Variants in TTBK2 observed in about 807,000 individuals in gnomAD.
TTBK2 encodes the protein tau-tubulin kinase 2.
TTBK2 carries 28 observed loss-of-function variants against 110.8 expected under a neutral mutation model. That is an observed-to-expected ratio of 0.25 (90% CI 0.19 to 0.35). The LOEUF (loss-of-function observed/expected upper bound fraction) is 0.35, where lower values mean the gene tolerates loss of function less well. Among genes scored for constraint, TTBK2 ranks in the 10% least tolerant of loss-of-function variants. The probability of loss-of-function intolerance (pLI) is 1.00; values close to 1 mark genes in which losing one functional copy is unlikely to be tolerated. For synonymous variants in TTBK2, 532 were observed against 527.3 expected, an observed-to-expected ratio of 1.01 and a Z score of -0.12; for missense variants, 1,369 against 1,500.3, an observed-to-expected ratio of 0.91 and a Z score of 1.45.
At chr15:42,809,031 G>C (rs1162545162) in intron 9 of TTBK2, among the ~76,000 whole-genome samples, 1 of 152,226 alleles carries the variant, frequency 6.6e-6, no homozygotes, top group Non-Finnish European at 1.5e-5. Flanking sequence ...ACAAGAGGCA[G>C]AAGCTGCAAA....
At chr15:42,763,173 TATATATATA>T (rs1889149603) in intron 13 of TTBK2, among the ~76,000 whole-genome samples, 1 of 17,942 alleles carries the variant, frequency 5.6e-5, no homozygotes, top group Non-Finnish European at 1.1e-4. Flanking sequence ...TATATATATA[TATATATATA>T]TATATATATA....
rs2061741406 is a variant in TTBK2 at position 42,740,151 on chromosome 15, C to T, written c.*5644G>A. On this transcript the variant is annotated 3_prime_UTR_variant, in exon 15 of 15. Transcript: ENST00000267890. The stretch of plus-strand genomic sequence containing the variant: ...GTCAAGGAACCCAGAGCCAGGGTAC[C>T]TGGGAGGCATGGTCAGCATCGCCAG... 1 of 152,158 alleles carries T rather than the reference C, an allele frequency of 6.6e-6. No homozygotes were observed. Among genetic ancestry groups the T allele is most frequent in the Non-Finnish European group, 1.5e-5 (1 of 68,022 alleles). 9.4% of individuals were successfully genotyped at this position (152,158 alleles called of 1,614,324 possible).
intron 4 of TTBK2, among the ~76,000 whole-genome samples, chr15:42,839,754 G>T (rs941017279): frequency 3.9e-5 from 6 of 152,066 alleles, no homozygotes; most frequent in African/African-American, 1.4e-4. Flanking sequence ...CTTATTTTGA[G>T]ACATATTTTG....
At position 42,777,220 on chromosome 15, in the gene TTBK2, C is replaced by T. The variant is rs746387784; in HGVS notation, c.1220G>A (p.Ser407Asn). 6.2e-7 allele frequency: 1 copy of T among 1,614,178 alleles called. No homozygotes were observed. The highest frequency in any genetic ancestry group is 1.7e-5 in the Admixed American group (1 of 60,020). Residue 407 changes from serine (S) to asparagine (N), a missense_variant, in exon 12 of 15, where the codon AGC (serine) becomes AAC (asparagine). Around this residue, in one of 4 missense-constraint regions of TTBK2, gnomAD observed 1,097 missense variants for 1,114.7 expected, o/e 0.98. Transcript: ENST00000267890. ...GAGAAGACCATTTGCCTGGCCATGGCTGTTCTCCTCTTCAGTAGCAGCCTA... is the reference window on the plus strand; with the variant it reads ...GAGAAGACCATTTGCCTGGCCATGGTTGTTCTCCTCTTCAGTAGCAGCCTA... ...ICKAATEEEN[S>N]HGQANGLLNA...
intron 1 of TTBK2, among the ~76,000 whole-genome samples, chr15:42,915,902 A>T (rs1473379264): frequency 6.6e-6 from 1 of 152,054 alleles, no homozygotes; most frequent in Non-Finnish European, 1.5e-5. Context: ...AGCTACGATC[A>T]TGGCACTCCA....
chr15:42,792,889 T>C (rs534491412), intron 10 of TTBK2, among the ~76,000 whole-genome samples: 1 of 152,308 alleles, frequency 6.6e-6, no homozygotes, highest in East Asian at 1.9e-4. Context: ...GGAGAAAATA[T>C]TGGAAGATGG....
At chr15:42,790,444 C>A (rs1480640584) in intron 10 of TTBK2, among the ~76,000 whole-genome samples, 1 of 151,668 alleles carries the variant, frequency 6.6e-6, no homozygotes, top group Non-Finnish European at 1.5e-5. Context: ...AACACCACAC[C>A]CAGCTAATTT....
rs2061761946 is a variant in TTBK2, at chr15:42,743,442, A to C, written c.*2353T>G. The C allele has an allele frequency of 6.6e-6, 1 of 152,210 alleles. No homozygotes were observed. Among genetic ancestry groups the C allele is most frequent in the Non-Finnish European group, 1.5e-5 (1 of 68,036 alleles). 9.4% of individuals were successfully genotyped at this position (152,210 alleles called of 1,614,324 possible). On this transcript the variant is annotated 3_prime_UTR_variant, in exon 15 of 15. Transcript: ENST00000267890. Reference sequence around the variant, plus strand: ...CTTTTCCAATGATTACTACTAGCATATTTCCGACTAAAGGGGTCAGGATTT... The same window carrying C: ...CTTTTCCAATGATTACTACTAGCATCTTTCCGACTAAAGGGGTCAGGATTT...
intron 3 of TTBK2, among the ~76,000 whole-genome samples, chr15:42,860,485 T>C (rs1894110253): frequency 6.6e-6 from 1 of 151,842 alleles, no homozygotes; most frequent in Non-Finnish European, 1.5e-5. Flanking sequence ...CAGTAGCTCA[T>C]CCCTGTATCC....
intron 4 of TTBK2, among the ~76,000 whole-genome samples, chr15:42,830,853 A>C (rs2140988451): frequency 6.6e-6 from 1 of 151,902 alleles, no homozygotes; most frequent in African/African-American, 2.4e-5. Context: ...AAAATACAAA[A>C]ATTTAGCCGG....
At chr15:42,832,433 A>G (rs1156700959) in intron 4 of TTBK2, among the ~76,000 whole-genome samples, 1 of 152,236 alleles carries the variant, frequency 6.6e-6, no homozygotes. Flanking sequence ...AACTGATAAG[A>G]GTATGGGGTA....
chr15:42,814,176 C>A (rs748908298), intron 7 of TTBK2, among the ~76,000 whole-genome samples: 1 of 152,072 alleles, frequency 6.6e-6, no homozygotes, highest in Non-Finnish European at 1.5e-5. Context: ...CGCCCGCCAC[C>A]ACACCCAGCT....
At chr15:42,828,680 G>A (rs1417577685) in intron 5 of TTBK2, among the ~76,000 whole-genome samples, 4 of 145,088 alleles carry the variant, frequency 2.8e-5, no homozygotes, top group Non-Finnish European at 4.5e-5. Flanking sequence ...TTGAGATTGC[G>A]CCACGGCACT....
intron 1 of TTBK2, among the ~76,000 whole-genome samples, chr15:42,918,569 G>A (rs974799851): frequency 1.6e-4 from 25 of 152,146 alleles, no homozygotes; most frequent in East Asian, 7.7e-4. Flanking sequence ...CAGCTAACTC[G>A]GATCTGTAAT....
intron 7 of TTBK2, among the ~76,000 whole-genome samples, chr15:42,812,215 T>C (rs1891753000): frequency 6.6e-6 from 1 of 152,196 alleles, no homozygotes; most frequent in Non-Finnish European, 1.5e-5. Flanking sequence ...ACATAGGACA[T>C]GAGTTGTAAC....
chr15:42,750,745 A>C (rs963263543), intron 14 of TTBK2, among the ~76,000 whole-genome samples: 4 of 152,186 alleles, frequency 2.6e-5, no homozygotes, highest in African/African-American at 9.6e-5. Context: ...AGAGACATGA[A>C]TATACAACAT....
intron 9 of TTBK2, among the ~76,000 whole-genome samples, chr15:42,798,807 A>T (rs1369156401): frequency 6.6e-6 from 1 of 152,190 alleles, no homozygotes; most frequent in African/African-American, 2.4e-5. Flanking sequence ...AATCTTCTGT[A>T]AATGGATGTA....
intron 6 of TTBK2, among the ~76,000 whole-genome samples, chr15:42,827,222 T>C (rs1050475891): frequency 9.9e-5 from 15 of 152,048 alleles, no homozygotes; most frequent in African/African-American, 2.9e-4. Context: ...GTGTGTATGG[T>C]TGGCAGGGAG....
intron 6 of TTBK2, among the ~76,000 whole-genome samples, chr15:42,820,783 T>C (rs555081297): frequency 7.4e-4 from 112 of 152,078 alleles, no homozygotes; most frequent in African/African-American, 2.6e-3. Flanking sequence ...GGAGGCTCAC[T>C]TGAGGCCAGG....
Sources: gnomAD v4.1 joint callset for allele counts (sites outside exome capture counted in the v4.1 genomes callset) on GRCh38, gnomAD v4.1.1 for gene constraint, gnomAD v4.1.1 regional missense constraint, MANE v1.5 for transcripts, NCBI Gene and HGNC (gene_info 2026-07-23, HGNC 2026-07-21) for gene names.